SOCS6: variants seen among roughly 807,000 people sequenced by gnomAD.
SOCS6 encodes the protein suppressor of cytokine signaling 6.
Under a neutral mutation model 27.7 loss-of-function variants are expected in SOCS6, and 5 were observed. The observed-to-expected ratio is 0.18, with a 90% confidence interval of 0.09 to 0.38. The LOEUF is 0.38. SOCS6 is among the 10% of genes least tolerant of loss of function. The pLI, the probability that SOCS6 is intolerant of heterozygous loss-of-function variation, is 1.00. For synonymous variants in SOCS6, 271 were observed against 260.0 expected (o/e 1.04, Z -0.41); for missense variants, 595 against 688.1 (o/e 0.86, Z 1.51).
chr18:70,292,650 A>G (rs555228814), intron 1 of SOCS6, among the ~76,000 whole-genome samples: 55 of 152,290 alleles, frequency 3.6e-4, no homozygotes, highest in African/African-American at 1.3e-3. Flanking sequence ...GCCCAGCCAA[A>G]AATCCAAACT....
At chr18:70,306,218 C>T (rs1392264165) in intron 1 of SOCS6, among the ~76,000 whole-genome samples, 1 of 151,910 alleles carries the variant, frequency 6.6e-6, no homozygotes, top group African/African-American at 2.4e-5. Context: ...GACAGAGTGA[C>T]ATCCTGTCAC....
chr18:70,310,891 A>T (rs1218602595), intron 1 of SOCS6, among the ~76,000 whole-genome samples: 2 of 152,168 alleles, frequency 1.3e-5, no homozygotes, highest in Admixed American at 6.5e-5. Context: ...TTCTTTTGTG[A>T]CTTTGGGCAA....
chr18:70,326,200 A>T lies in SOCS6; in HGVS notation c.1532A>T (p.Tyr511Phe), dbSNP rs1463798836. The change falls in exon 2 of 2, where the codon TAT (tyrosine) becomes TTT (phenylalanine). Residue 511 changes from tyrosine to phenylalanine, a missense_variant. Physicochemically the swap from Tyr to Phe is conservative, Grantham distance 22. Around this residue, in one of 2 missense-constraint regions of SOCS6, gnomAD observed 128 missense variants for 207.0 expected, o/e 0.62. Transcript: ENST00000397942. Reference protein sequence around the residue: ...QYLCRFVIRQYTRIDLIQKLP... With the variant: ...QYLCRFVIRQFTRIDLIQKLP... ...CTGTGTCGTTTTGTTATACGTCAGT[A>T]TACCAGAATAGACTTAATTCAGAAA... The T allele has an allele frequency of 3.1e-6, 5 of 1,614,166 alleles. No individual in the cohort carries two copies. Among genetic ancestry groups the T allele is most frequent in the Non-Finnish European group, 4.2e-6 (5 of 1,179,966 alleles).
At chr18:70,296,224 A>G (rs979059608) in intron 1 of SOCS6, among the ~76,000 whole-genome samples, 10 of 152,098 alleles carry the variant, frequency 6.6e-5, no homozygotes, top group South Asian at 2.1e-4. Flanking sequence ...GAAAATGTCT[A>G]TGTTCTAAGT....
In SOCS6 at chr18:70,325,971, C is replaced by A; in HGVS notation, c.1303C>A (p.His435Asn). The change falls in exon 2 of 2, where the codon CAC becomes AAC. Residue 435 changes from histidine (H) to asparagine (N), a missense_variant. Physicochemically the swap from His to Asn is moderately conservative, Grantham distance 68. Coordinates refer to ENST00000397942, the MANE Select transcript of SOCS6 (RefSeq NM_004232.4). This position sits in a 1 kb window ranked among gnomAD's most constrained non-coding sequence, Gnocchi z 6.3. ...TAAAACACTTCACACTAGAATTGAG[C>A]ACTCAAATGGTAGGTTTAGCTTTTA... is the stretch of plus-strand genomic sequence containing the variant. ...HGKTLHTRIE[H>N]SNGRFSFYEQ... 6.2e-7 allele frequency: 1 copy of A among 1,614,228 alleles called. No homozygotes were observed. The highest frequency in any genetic ancestry group is 8.5e-7 in the Non-Finnish European group (1 of 1,180,028).
rs375002613 is a variant in SOCS6 at position 70,294,668 on chromosome 18, C to T, written c.-127+5578C>T. 9.1e-4 allele frequency among the ~76,000 whole-genome samples: 139 copies of T among 152,256 alleles called. 2 individuals carry two copies. In the South Asian group the frequency reaches 0.019, roughly 20 times the overall value. ...GAAATGAAAGCAGTAAGTGAATGGGCGCCTTCAGAAGGATTGCTAGTGCAA... is the reference window on the plus strand; with the variant it reads ...GAAATGAAAGCAGTAAGTGAATGGGTGCCTTCAGAAGGATTGCTAGTGCAA... On this transcript the variant is annotated intron_variant, in intron 1 of 1. Coordinates refer to ENST00000397942, the MANE Select transcript of SOCS6 (RefSeq NM_004232.4).
chr18:70,297,596 A>G (rs1037369383), intron 1 of SOCS6, among the ~76,000 whole-genome samples: 7 of 144,598 alleles, frequency 4.8e-5, no homozygotes, highest in African/African-American at 1.5e-4. Flanking sequence ...GCATCAAGAG[A>G]TCGCATCTTT....
At chr18:70,302,465 T>C (rs1170796408) in intron 1 of SOCS6, among the ~76,000 whole-genome samples, 1 of 152,188 alleles carries the variant, frequency 6.6e-6, no homozygotes, top group East Asian at 1.9e-4. Context: ...GGTCATGGCC[T>C]TGACTACAAA....
At position 70,327,729 on chromosome 18, in the gene SOCS6, A is replaced by G. The variant is rs1211543897; in HGVS notation, c.*1453A>G. On this transcript the variant is annotated 3_prime_UTR_variant, in exon 2 of 2. Coordinates refer to ENST00000397942, the MANE Select transcript of SOCS6 (RefSeq NM_004232.4). ...CCCTGTCCAGAAAATTTTCAGCTACACACCTTTAAAGGAAAATGTTTCTAT... is the reference window on the plus strand; with the variant it reads ...CCCTGTCCAGAAAATTTTCAGCTACGCACCTTTAAAGGAAAATGTTTCTAT... The G allele has an allele frequency of 6.0e-6, 1 of 166,988 alleles. No individual in the cohort carries two copies. The highest frequency in any genetic ancestry group is 1.5e-5 in the Non-Finnish European group (1 of 68,100). 10.3% of individuals were successfully genotyped at this position (166,988 alleles called of 1,614,324 possible).
chr18:70,304,242 AAG>A (rs112656117), intron 1 of SOCS6, among the ~76,000 whole-genome samples: 1 of 151,654 alleles, frequency 6.6e-6, no homozygotes, highest in Admixed American at 6.6e-5. Flanking sequence ...AGTAAAGAAA[AAG>A]AAAAGACACA....
chr18:70,310,468 GTTTTT>G (rs1306876861), intron 1 of SOCS6, among the ~76,000 whole-genome samples: 1 of 104,590 alleles, frequency 9.6e-6, no homozygotes, highest in Non-Finnish European at 1.9e-5. Flanking sequence ...TTTTTGTGGG[GTTTTT>G]TTTTTTTTTT....
chr18:70,293,574 G>T (rs1471887670), intron 1 of SOCS6, among the ~76,000 whole-genome samples: 1 of 152,172 alleles, frequency 6.6e-6, no homozygotes, highest in Non-Finnish European at 1.5e-5. Flanking sequence ...GTTTTCTGGT[G>T]TAGAATTAAG....
rs571949909 is a variant in SOCS6 at position 70,298,315 on chromosome 18, TGTG to T, written c.-127+9229_-127+9231del. Among the ~76,000 whole-genome samples, 569 of 152,318 alleles carry T rather than the reference TGTG, an allele frequency of 3.7e-3. 1 individual carries two copies. Among genetic ancestry groups the T allele is most frequent in the Non-Finnish European group, 6.0e-3 (409 of 68,012 alleles). The stretch of plus-strand genomic sequence containing the variant: ...GTCATTCTTTTTCATAGACAATTAA[TGTG>T]GTGAGATTTTTAGGGAATTTGCTAT... On this transcript the variant is annotated intron_variant, in intron 1 of 1. Coordinates refer to ENST00000397942, the MANE Select transcript of SOCS6 (RefSeq NM_004232.4).
chr18:70,324,715 A>T lies in SOCS6; in HGVS notation c.47A>T (p.Asn16Ile). Residue 16 changes from asparagine to isoleucine, a missense_variant, in exon 2 of 2, where the codon AAT becomes ATT. Transcript: ENST00000397942. ...LKTLRKSFNL[N>I]KSKEETDFMV... ...ACCTTACGGAAATCTTTTAACTTGA[A>T]TAAAAGTAAAGAAGAAACTGATTTC... is the stretch of plus-strand genomic sequence containing the variant. 6.2e-7 allele frequency: 1 copy of T among 1,606,384 alleles called. No homozygotes were observed. Among genetic ancestry groups the T allele is most frequent in the South Asian group, 1.1e-5 (1 of 89,650 alleles).
At chr18:70,323,598 C>T (rs1461655975) in intron 1 of SOCS6, among the ~76,000 whole-genome samples, 1 of 152,144 alleles carries the variant, frequency 6.6e-6, no homozygotes, top group Non-Finnish European at 1.5e-5. Context: ...TGAAGCTTTT[C>T]AACCTGCGCG....
chr18:70,296,790 G>A (rs1220651971), intron 1 of SOCS6: 5 of 151,920 alleles, frequency 3.3e-5, no homozygotes, highest in Non-Finnish European at 7.4e-5. Context: ...TTTCTACTTT[G>A]GATGTGCTGA....
intron 1 of SOCS6, among the ~76,000 whole-genome samples, chr18:70,321,475 C>A (rs1232953888): frequency 2.7e-5 from 4 of 146,020 alleles, no homozygotes; most frequent in Non-Finnish European, 6.0e-5. Flanking sequence ...CACACGCCAC[C>A]ATGCCTGGCT....
intron 1 of SOCS6, among the ~76,000 whole-genome samples, chr18:70,318,583 T>TGTG (rs1240800665): frequency 6.6e-6 from 1 of 152,010 alleles, no homozygotes; most frequent in Non-Finnish European, 1.5e-5. Context: ...ATAATTTTAG[T>TGTG]GTGTCCTTTC....
intron 1 of SOCS6, among the ~76,000 whole-genome samples, chr18:70,320,134 G>C (rs1019216890): frequency 6.6e-6 from 1 of 152,028 alleles, no homozygotes; most frequent in Non-Finnish European, 1.5e-5. Flanking sequence ...GATTATAGGT[G>C]TGAGCCATAA....
Sources: allele counts gnomAD v4.1 joint callset (sites outside exome capture counted in the v4.1 genomes callset), GRCh38; gene constraint gnomAD v4.1.1; regional missense constraint gnomAD v4.1.1; non-coding constraint Gnocchi (gnomAD v3.1); transcripts MANE v1.5; gene names NCBI Gene and HGNC (gene_info 2026-07-23, HGNC 2026-07-21).